SPATA7: variants seen among roughly 807,000 people sequenced by gnomAD.
SPATA7 encodes spermatogenesis-associated protein 7.
Under a neutral mutation model 51.8 loss-of-function variants are expected in SPATA7, and 43 were observed. The ratio of observed to expected loss-of-function variants is 0.83; its 90% CI spans 0.65 to 1.07. The LOEUF (loss-of-function observed/expected upper bound fraction) is 1.07. Among genes scored for constraint, SPATA7 ranks in the 50% least tolerant of loss-of-function variants. SPATA7 has a pLI of 0.00. For synonymous variants in SPATA7, 230 were observed against 252.8 expected (o/e 0.91, Z 0.86); for missense variants, 683 against 701.3 (o/e 0.97, Z 0.30).
chr14:88,441,047 A>G (rs1186127240), downstream of SPATA7, among the ~76,000 whole-genome samples: 1 of 152,130 alleles, frequency 6.6e-6, no homozygotes, highest in African/African-American at 2.4e-5. Context: ...CTCATAGCTT[A>G]GCTCCCACTT....
chr14:88,438,543 C>A, downstream of SPATA7: 1 of 843,740 alleles, frequency 1.2e-6, no homozygotes, highest in Non-Finnish European at 2.0e-6. Flanking sequence ...TTACCAGAAA[C>A]CTAGCGGCCT....
chr14:88,427,512 T>A lies in SPATA7; in HGVS notation c.846-118T>A. 3 of 668,102 alleles carry A rather than the reference T, an allele frequency of 4.5e-6. No individual in the cohort carries two copies. In the South Asian group the frequency reaches 5.7e-5, roughly 13 times the overall value. The allele number at this position is 668,102 out of a possible 1,614,324, so 41.4% of individuals were successfully genotyped here. The stretch of plus-strand genomic sequence containing the variant: ...AATCAAATAATTCAAAATTATGTAT[T>A]TTATAAGAATAGATGGGTCTCATTC... On this transcript the variant is annotated intron_variant, in intron 6 of 11. Coordinates refer to ENST00000393545, the MANE Select transcript of SPATA7 (RefSeq NM_018418.5).
chr14:88,422,924 C>G (rs2076686416), intron 5 of SPATA7, among the ~76,000 whole-genome samples: 1 of 152,114 alleles, frequency 6.6e-6, no homozygotes, highest in African/African-American at 2.4e-5. Flanking sequence ...TTTGTATTCA[C>G]TGTAAAGGCT....
At chr14:88,419,329 A>C (rs2139971397) in intron 5 of SPATA7, among the ~76,000 whole-genome samples, 1 of 151,976 alleles carries the variant, frequency 6.6e-6, no homozygotes, top group South Asian at 2.1e-4. Context: ...GAATTTCTTT[A>C]CCTTAATGCT....
chr14:88,426,674 G>A lies in SPATA7; in HGVS notation c.815G>A (p.Arg272Gln), dbSNP rs34682727. Reference protein sequence around the residue: ...AKRKKDFTDQRIEAETQTELS... With the variant: ...AKRKKDFTDQQIEAETQTELS... ...AGAAAAAAGGATTTTACAGATCAAC[G>A]GATAGAAGCTGAAACCCAGACTGAA... The change falls in exon 6 of 12, where the codon CGG (arginine) becomes CAG (glutamine). Residue 272 changes from arginine to glutamine, a missense_variant. By Grantham distance (43) the Arg-to-Gln change is conservative (BLOSUM62 1). Coordinates refer to ENST00000393545, the MANE Select transcript of SPATA7 (RefSeq NM_018418.5). 605 of 1,613,280 alleles carry A rather than the reference G, an allele frequency of 3.8e-4. 1 individual carries two copies. The African/African-American group carries it at 7.0e-3, about 19-fold the overall frequency.
intron 3 of SPATA7, among the ~76,000 whole-genome samples, chr14:88,452,742 A>G (rs191788534): frequency 4.3e-4 from 66 of 152,210 alleles, no homozygotes; most frequent in Admixed American, 3.0e-3. Context: ...TTTTAAACAA[A>G]CCATGCCACT....
chr14:88,411,835 G>T (rs1046095748), intron 4 of SPATA7, among the ~76,000 whole-genome samples: 2 of 151,618 alleles, frequency 1.3e-5, no homozygotes, highest in African/African-American at 4.9e-5. Flanking sequence ...GTGTCTTTTT[G>T]GTAGAATGAT....
chr14:88,435,420 C>G (rs919466728), intron 10 of SPATA7, among the ~76,000 whole-genome samples: 3 of 152,106 alleles, frequency 2.0e-5, no homozygotes, highest in African/African-American at 7.2e-5. Flanking sequence ...AGCATTTATC[C>G]TTTGAGTTAC....
chr14:88,396,428 A>G (rs2075881544), intron 4 of SPATA7, among the ~76,000 whole-genome samples: 1 of 152,166 alleles, frequency 6.6e-6, no homozygotes, highest in South Asian at 2.1e-4. Context: ...CCTGGAAACC[A>G]ACATTCTTTT....
chr14:88,450,643 T>C (rs1371301529), intron 3 of SPATA7, among the ~76,000 whole-genome samples: 1 of 152,210 alleles, frequency 6.6e-6, no homozygotes, highest in East Asian at 1.9e-4. Context: ...TTTTAGCTTG[T>C]AGGGTTTCGG....
chr14:88,393,743 G>T, intron 3 of SPATA7: 1 of 285,294 alleles, frequency 3.5e-6, no homozygotes, highest in Non-Finnish European at 6.6e-6. Flanking sequence ...TATTTTGTTA[G>T]ATATTGCTTT....
intron 4 of SPATA7, among the ~76,000 whole-genome samples, chr14:88,415,687 G>C (rs556273702): frequency 1.2e-3 from 186 of 152,086 alleles, no homozygotes; most frequent in African/African-American, 4.3e-3. Context: ...TTGCTTTATA[G>C]GATCTGTGAA....
chr14:88,416,734 A>G lies in SPATA7; in HGVS notation c.262A>G (p.Lys88Glu). ...IKYADQQRRE[K>E]LKKELAQCEK... is the part of the protein sequence containing the mutation. The stretch of plus-strand genomic sequence containing the variant: ...AGATGCAGACCAACAACGAAGAGAG[A>G]AACTCAAAAAGGAATTAGCACAATG... The change falls in exon 5 of 12, where the codon AAA (lysine) becomes GAA (glutamate). Residue 88 changes from lysine (K) to glutamate (E), a missense_variant. Transcript: ENST00000393545. The G allele has an allele frequency of 6.2e-7, 1 of 1,613,440 alleles. No individual in the cohort carries two copies. The highest frequency in any genetic ancestry group is 8.5e-7 in the Non-Finnish European group (1 of 1,179,708).
Position 88,438,053 on chromosome 14 carries a change from A to C in SPATA7, c.1431A>C (p.Ala477=), listed in dbSNP as rs2077139901. 8.7e-6 allele frequency: 14 copies of C among 1,614,146 alleles called. No individual in the cohort carries two copies. Among genetic ancestry groups the C allele is most frequent in the Non-Finnish European group, 1.2e-5 (14 of 1,180,016 alleles). The change falls in exon 12 of 12, where the codon GCA becomes GCC. Residue 477 remains alanine (A), a synonymous_variant. Coordinates refer to ENST00000393545, the MANE Select transcript of SPATA7 (RefSeq NM_018418.5). The stretch of plus-strand genomic sequence containing the variant: ...AGGCTTTGGATATGTTATTGTCGGC[A>C]CCAAAGGATGAGAACGAGATATTCC... The part of the protein sequence containing the change: ...YQKALDMLLS[A]PKDENEIFPS...
intron 10 of SPATA7, among the ~76,000 whole-genome samples, chr14:88,436,935 A>G (rs1391427343): frequency 6.6e-6 from 1 of 151,294 alleles, no homozygotes; most frequent in East Asian, 1.9e-4. Context: ...TGTACATTTT[A>G]GGATTTTTTT....
At chr14:88,447,344 T>C (rs2077220804) in intron 3 of SPATA7, among the ~76,000 whole-genome samples, 1 of 149,984 alleles carries the variant, frequency 6.7e-6, no homozygotes, top group South Asian at 2.1e-4. Context: ...TTGGTAGATC[T>C]TCCTCCATCC....
At chr14:88,455,342 C>A (rs565167029), downstream of SPATA7, 52 of 212,630 alleles carry the variant, frequency 2.4e-4, no homozygotes, top group Non-Finnish European at 4.5e-4. Flanking sequence ...GGAAACCTCT[C>A]TTGCCTGGTA....
At chr14:88,452,503 C>CTT (rs140429381) in intron 3 of SPATA7, among the ~76,000 whole-genome samples, 5 of 151,942 alleles carry the variant, frequency 3.3e-5, no homozygotes, top group Non-Finnish European at 7.4e-5. Flanking sequence ...AGATTATGTC[C>CTT]TTTTTTTTGG....
Position 88,431,411 on chromosome 14 carries a change from TTTAA to T in SPATA7, c.1082+190_1082+193del, listed in dbSNP as rs373172679. 8.3e-4 allele frequency among the ~76,000 whole-genome samples: 126 copies of T among 152,264 alleles called. 2 individuals carry two copies. The East Asian group carries it at 0.022, about 27-fold the overall frequency. On this transcript the variant is annotated intron_variant, in intron 9 of 11. Coordinates refer to ENST00000393545, the MANE Select transcript of SPATA7 (RefSeq NM_018418.5). ...ATATACTGTACAGTGATTAGAACAG[TTTAA>T]TTAGCATATCCATCATCTCGAACAT...
Sources: gnomAD v4.1 joint callset for allele counts (sites outside exome capture counted in the v4.1 genomes callset) on GRCh38, gnomAD v4.1.1 for gene constraint, MANE v1.5 for transcripts, NCBI Gene and HGNC (gene_info 2026-07-23, HGNC 2026-07-21) for gene names.